The following COMMD1 variants were observed in gnomAD, a reference collection of about 807,000 sequenced individuals.
The protein encoded by COMMD1 is copper metabolism domain containing 1.
COMMD1 carries 10 observed loss-of-function variants against 17.2 expected under a neutral mutation model. That is an observed-to-expected ratio of 0.58 (90% CI 0.36 to 0.99). COMMD1 has a LOEUF of 0.99. COMMD1 is among the 50% of genes least tolerant of loss of function. COMMD1 has a pLI of 0.01. For synonymous variants in COMMD1, 97 were observed against 91.6 expected (o/e 1.06, Z -0.34); for missense variants, 270 against 231.8 (o/e 1.17, Z -1.07).
At chr2:62,130,580 C>G (rs1439642922) in intron 2 of COMMD1, among the ~76,000 whole-genome samples, 1 of 152,070 alleles carries the variant, frequency 6.6e-6, no homozygotes, top group African/African-American at 2.4e-5. Flanking sequence ...TAAATATGAT[C>G]CATAAATTAG....
At chr2:62,071,575 G>A (rs1010382896) in intron 2 of COMMD1, among the ~76,000 whole-genome samples, 1 of 152,128 alleles carries the variant, frequency 6.6e-6, no homozygotes, top group Admixed American at 6.5e-5. Flanking sequence ...GACATATGGA[G>A]GGGCCAGTTC....
intron 2 of COMMD1, among the ~76,000 whole-genome samples, chr2:62,023,126 T>G (rs372052331): frequency 1.3e-5 from 2 of 151,754 alleles, no homozygotes; most frequent in South Asian, 2.1e-4. Flanking sequence ...TTTAGGAGGC[T>G]GAGACAGGAG....
intron 1 of COMMD1, among the ~76,000 whole-genome samples, chr2:61,912,487 A>G (rs749523326): frequency 2.0e-5 from 3 of 152,218 alleles, no homozygotes; most frequent in Non-Finnish European, 4.4e-5. Flanking sequence ...CTGTAATCCC[A>G]GCACTTTGGG....
chr2:61,937,684 G>A (rs55823800), intron 1 of COMMD1, among the ~76,000 whole-genome samples: 1 of 152,188 alleles, frequency 6.6e-6, no homozygotes, highest in Non-Finnish European at 1.5e-5. Flanking sequence ...GCTCAATCTT[G>A]TTTTTAGTTT....
chr2:61,958,995 T>A (rs1420798188), intron 1 of COMMD1, among the ~76,000 whole-genome samples: 1 of 152,238 alleles, frequency 6.6e-6, no homozygotes, highest in Non-Finnish European at 1.5e-5. Context: ...TTTGTCATGT[T>A]GCTTTCCATG....
intron 1 of COMMD1, among the ~76,000 whole-genome samples, chr2:61,923,679 T>C (rs543137454): frequency 2.0e-5 from 3 of 152,318 alleles, no homozygotes; most frequent in African/African-American, 7.2e-5. Flanking sequence ...CTGACACATA[T>C]GGGCTTTATT....
At chr2:61,962,439 G>T (rs142876780) in intron 1 of COMMD1, among the ~76,000 whole-genome samples, 39 of 152,152 alleles carry the variant, frequency 2.6e-4, no homozygotes, top group Admixed American at 9.8e-4. Flanking sequence ...CCCCTAGATA[G>T]TTTATGCTAA....
intron 1 of COMMD1, among the ~76,000 whole-genome samples, chr2:61,922,060 G>T (rs993261949): frequency 2.8e-4 from 43 of 152,106 alleles, no homozygotes; most frequent in African/African-American, 1.0e-3. Context: ...AAGAAAAATT[G>T]TAGAAAATGA....
At chr2:61,950,616 T>G (rs1470755317) in intron 1 of COMMD1, among the ~76,000 whole-genome samples, 1 of 152,224 alleles carries the variant, frequency 6.6e-6, no homozygotes, top group Non-Finnish European at 1.5e-5. Context: ...TGGCTTCTCT[T>G]TGGCATATCC....
intron 2 of COMMD1, among the ~76,000 whole-genome samples, chr2:62,078,901 T>C (rs1381447720): frequency 6.7e-6 from 1 of 150,304 alleles, no homozygotes; most frequent in Non-Finnish European, 1.5e-5. Context: ...AAAAGAATTG[T>C]GGTGACCAAA....
rs181329537 is a variant in COMMD1, at chr2:62,106,136, T to C, written c.463-29695T>C. 7.2e-5 allele frequency among the ~76,000 whole-genome samples: 11 copies of C among 152,338 alleles called. No homozygotes were observed. In the East Asian group the frequency reaches 1.9e-3, roughly 27 times the overall value. Reference sequence around the variant, plus strand: ...CCTCAGACTTCCAATGTGCTGATATTACAGGCATAAGCCATTGTGCCTGGC... The same window carrying C: ...CCTCAGACTTCCAATGTGCTGATATCACAGGCATAAGCCATTGTGCCTGGC... On this transcript the variant is annotated intron_variant, in intron 2 of 2. Coordinates refer to ENST00000311832, the MANE Select transcript of COMMD1 (RefSeq NM_152516.4).
At chr2:61,962,541 G>C (rs569701709) in intron 1 of COMMD1, among the ~76,000 whole-genome samples, 1 of 152,128 alleles carries the variant, frequency 6.6e-6, no homozygotes, top group African/African-American at 2.4e-5. Flanking sequence ...TGACCTCCGG[G>C]GAGGATAAGG....
At chr2:61,963,169 A>AAAAT (rs1553373128) in intron 1 of COMMD1, among the ~76,000 whole-genome samples, 189 of 143,560 alleles carry the variant, frequency 1.3e-3, no homozygotes, top group Middle Eastern at 3.5e-3. Context: ...CAAAAAAAAA[A>AAAAT]ATATATATAT....
At chr2:61,905,592 G>A, upstream of COMMD1, 2 of 1,337,488 alleles carry the variant, frequency 1.5e-6, no homozygotes, top group Non-Finnish European at 2.0e-6. Context: ...GGTTCCCCGT[G>A]GTGGTTTTGC....
intron 2 of COMMD1, among the ~76,000 whole-genome samples, chr2:62,057,677 C>A (rs1404034174): frequency 6.6e-6 from 1 of 151,940 alleles, no homozygotes; most frequent in African/African-American, 2.4e-5. Flanking sequence ...TTGAGCTATC[C>A]TCCTGCTTCA....
chr2:61,916,777 C>T (rs192407241), intron 1 of COMMD1, among the ~76,000 whole-genome samples: 1 of 152,148 alleles, frequency 6.6e-6, no homozygotes, highest in African/African-American at 2.4e-5. Context: ...TTTTAAAATG[C>T]AGTATTTGGA....
intron 2 of COMMD1, among the ~76,000 whole-genome samples, chr2:62,037,001 A>C (rs1158712909): frequency 6.6e-6 from 1 of 152,332 alleles, no homozygotes; most frequent in East Asian, 1.9e-4. Context: ...AAGTATATTT[A>C]CTTATGCCTA....
intron 1 of COMMD1, among the ~76,000 whole-genome samples, chr2:61,960,869 C>T (rs1671323590): frequency 6.6e-6 from 1 of 152,252 alleles, no homozygotes; most frequent in African/African-American, 2.4e-5. Flanking sequence ...CATTTCCTAC[C>T]TTGGCCCTCG....
intron 1 of COMMD1, among the ~76,000 whole-genome samples, chr2:61,932,067 T>C (rs1670479267): frequency 1.3e-5 from 2 of 152,218 alleles, no homozygotes; most frequent in South Asian, 4.1e-4. Context: ...TGATCTCAGC[T>C]CACTGCAGCC....
Sources: gnomAD v4.1 joint callset for allele counts (sites outside exome capture counted in the v4.1 genomes callset) on GRCh38, gnomAD v4.1.1 for gene constraint, MANE v1.5 for transcripts, NCBI Gene and HGNC (gene_info 2026-07-23, HGNC 2026-07-21) for gene names.